The following TMCC1 variants were observed in gnomAD, a reference collection of about 807,000 sequenced individuals.
The protein encoded by TMCC1 is transmembrane and coiled-coil domains protein 1.
TMCC1 carries 15 observed loss-of-function variants against 52.4 expected under a neutral mutation model. The observed-to-expected ratio is 0.29, with a 90% CI of 0.19 to 0.44. TMCC1 has a LOEUF of 0.44. TMCC1 is among the 20% of genes least tolerant of loss of function. TMCC1 has a pLI of 1.00. For synonymous variants in TMCC1, 279 were observed against 301.9 expected, an observed-to-expected ratio of 0.92 and a Z score of 0.79; for missense variants, 503 against 806.0, an observed-to-expected ratio of 0.62 and a Z score of 4.55.
chr3:129,852,124 A>G (rs1427228497), intron 2 of TMCC1, among the ~76,000 whole-genome samples: 2 of 151,982 alleles, frequency 1.3e-5, no homozygotes, highest in Non-Finnish European at 2.9e-5. Flanking sequence ...CTGTACTCCA[A>G]CCTGGGCAAC....
intron 4 of TMCC1, among the ~76,000 whole-genome samples, chr3:129,723,868 C>G (rs1177021804): frequency 6.6e-6 from 1 of 151,930 alleles, no homozygotes; most frequent in African/African-American, 2.4e-5. Flanking sequence ...AACCAGCCCC[C>G]ACTTAAAGCT....
intron 4 of TMCC1, among the ~76,000 whole-genome samples, chr3:129,759,877 A>G (rs2053377844): frequency 6.7e-6 from 1 of 149,666 alleles, no homozygotes; most frequent in Non-Finnish European, 1.5e-5. Context: ...GCCCGCCACC[A>G]CGCCCGGCTA....
chr3:129,773,456 C>T (rs527287760), intron 4 of TMCC1, among the ~76,000 whole-genome samples: 5 of 152,276 alleles, frequency 3.3e-5, no homozygotes, highest in African/African-American at 9.6e-5. Flanking sequence ...AAGAGCTAGA[C>T]TTCTCTGAAC....
At chr3:129,652,422 C>T (rs1392674838) in intron 6 of TMCC1, among the ~76,000 whole-genome samples, 1 of 152,130 alleles carries the variant, frequency 6.6e-6, no homozygotes, top group East Asian at 1.9e-4. Context: ...CTGGACATGC[C>T]TTATTATATC....
At chr3:129,730,011 ATAAT>A (rs2050419630) in intron 4 of TMCC1, among the ~76,000 whole-genome samples, 7 of 152,110 alleles carry the variant, frequency 4.6e-5, no homozygotes, top group Admixed American at 6.5e-5. Context: ...AAATAGAAAA[ATAAT>A]TTATTGACTA....
intron 4 of TMCC1, among the ~76,000 whole-genome samples, chr3:129,766,882 G>A (rs1027892530): frequency 1.3e-5 from 2 of 152,048 alleles, no homozygotes; most frequent in African/African-American, 4.8e-5. Context: ...GCCTCCCAAA[G>A]TGCTGGGATT....
At chr3:129,808,762 G>C (rs74848822) in intron 4 of TMCC1, among the ~76,000 whole-genome samples, 1,899 of 149,798 alleles carry the variant, frequency 0.013, 41 homozygotes, top group African/African-American at 0.042. Flanking sequence ...TAATAAGAAA[G>C]CTACATGATC....
chr3:129,680,204 A>C (rs2108915976), intron 4 of TMCC1, among the ~76,000 whole-genome samples: 1 of 152,234 alleles, frequency 6.6e-6, no homozygotes, highest in African/African-American at 2.4e-5. Flanking sequence ...GAATATTTCT[A>C]CTCCTTAGAT....
intron 4 of TMCC1, among the ~76,000 whole-genome samples, chr3:129,768,773 T>G (rs1192789588): frequency 2.6e-5 from 4 of 152,230 alleles, no homozygotes; most frequent in Non-Finnish European, 4.4e-5. Context: ...AAAATAAAGG[T>G]GGATTATGTA....
intron 4 of TMCC1, among the ~76,000 whole-genome samples, chr3:129,735,981 G>A (rs138579241): frequency 1.1e-3 from 164 of 152,316 alleles, no homozygotes; most frequent in African/African-American, 3.3e-3. Flanking sequence ...GAGTAGAGCC[G>A]AAAGACCTGC....
At chr3:129,810,501 C>T (rs2107793217) in intron 4 of TMCC1, among the ~76,000 whole-genome samples, 1 of 152,342 alleles carries the variant, frequency 6.6e-6, no homozygotes, top group African/African-American at 2.4e-5. Flanking sequence ...TAAAGCTAAA[C>T]TCCTGACAAT....
At chr3:129,707,987 A>C (rs1041542656) in intron 4 of TMCC1, among the ~76,000 whole-genome samples, 1 of 147,178 alleles carries the variant, frequency 6.8e-6, no homozygotes, top group Non-Finnish European at 1.5e-5. Flanking sequence ...ATATTATAGA[A>C]TTTGTAAAGC....
intron 4 of TMCC1, among the ~76,000 whole-genome samples, chr3:129,809,483 A>AG (rs2057678320): frequency 6.6e-6 from 1 of 152,198 alleles, no homozygotes; most frequent in African/African-American, 2.4e-5. Context: ...TTGTTCCTGT[A>AG]GCTTACTGTT....
intron 4 of TMCC1, among the ~76,000 whole-genome samples, chr3:129,752,331 T>G (rs1232363068): frequency 6.6e-6 from 1 of 152,188 alleles, no homozygotes; most frequent in Non-Finnish European, 1.5e-5. Flanking sequence ...ATTGATTACA[T>G]GTATCCCTGC....
At chr3:129,865,955 T>C (rs1261947850) in intron 2 of TMCC1, among the ~76,000 whole-genome samples, 2 of 152,124 alleles carry the variant, frequency 1.3e-5, no homozygotes, top group African/African-American at 4.8e-5. Context: ...AAGTGCAAGC[T>C]GAATGTGCAG....
chr3:129,733,155 A>G (rs1183845207), intron 4 of TMCC1, among the ~76,000 whole-genome samples: 1 of 152,200 alleles, frequency 6.6e-6, no homozygotes, highest in African/African-American at 2.4e-5. Context: ...AGACAGGTGA[A>G]ATGTGTTTGC....
intron 5 of TMCC1, among the ~76,000 whole-genome samples, chr3:129,662,511 T>C (rs552532075): frequency 6.6e-6 from 1 of 152,222 alleles, no homozygotes; most frequent in South Asian, 2.1e-4. Flanking sequence ...TGGTAGTGCA[T>C]GCCTGTAATC....
At position 129,876,066 on chromosome 3, in the gene TMCC1, C is replaced by T. The variant is rs370543893; in HGVS notation, c.-184+4243G>A. On this transcript the variant is annotated intron_variant, in intron 2 of 6. Transcript: ENST00000393238. Reference sequence around the variant, plus strand: ...AGGAGAATTGCTTGAACCTGGGAGACGGGGTTGCAGTGAGCCGAGATCACA... The same window carrying T: ...AGGAGAATTGCTTGAACCTGGGAGATGGGGTTGCAGTGAGCCGAGATCACA... 4.8e-5 allele frequency among the ~76,000 whole-genome samples: 7 copies of T among 145,382 alleles called. No homozygotes were observed. The East Asian group carries it at 1.4e-3, about 30-fold the overall frequency.
chr3:129,854,435 C>T (rs1389516583), intron 2 of TMCC1, among the ~76,000 whole-genome samples: 2 of 151,282 alleles, frequency 1.3e-5, no homozygotes, highest in Non-Finnish European at 2.9e-5. Flanking sequence ...TCCTTTCTTG[C>T]TTAAAAACCC....
Sources: allele counts gnomAD v4.1 joint callset (sites outside exome capture counted in the v4.1 genomes callset), GRCh38; gene constraint gnomAD v4.1.1; transcripts MANE v1.5; gene names NCBI Gene and HGNC (gene_info 2026-07-23, HGNC 2026-07-21).